EAF2: variants seen among roughly 807,000 people sequenced by gnomAD.
EAF2 encodes ELL-associated factor 2.
A neutral mutation model predicts 29.4 loss-of-function variants in EAF2; 29 were observed. That is an observed-to-expected ratio of 0.99 (90% CI 0.73 to 1.35). The LOEUF (loss-of-function observed/expected upper bound fraction) is 1.35. Ranked by LOEUF, EAF2 falls within the 40% of genes most tolerant of loss-of-function variation. EAF2 has a pLI of 0.00. For synonymous variants in EAF2, 103 were observed against 102.5 expected (o/e 1.00, Z -0.03); for missense variants, 292 against 312.0 (o/e 0.94, Z 0.48).
At chr3:121,843,080 A>G (rs1282205281) in intron 1 of EAF2, among the ~76,000 whole-genome samples, 1 of 152,226 alleles carries the variant, frequency 6.6e-6, no homozygotes, top group Non-Finnish European at 1.5e-5. Flanking sequence ...TTATAAAAAT[A>G]CTTTCTGTAA....
At chr3:121,885,766 C>A (rs1381912856) in intron 5 of EAF2, among the ~76,000 whole-genome samples, 1 of 152,098 alleles carries the variant, frequency 6.6e-6, no homozygotes, top group Non-Finnish European at 1.5e-5. Flanking sequence ...TTTAAAATAG[C>A]ACCTGCCACT....
At chr3:121,867,772 A>G (rs1708950686) in intron 4 of EAF2, among the ~76,000 whole-genome samples, 1 of 152,206 alleles carries the variant, frequency 6.6e-6, no homozygotes, top group Admixed American at 6.5e-5. Flanking sequence ...TGACTTTTCT[A>G]AATCATATGT....
intron 4 of EAF2, among the ~76,000 whole-genome samples, chr3:121,859,807 T>A (rs867448595): frequency 1.3e-5 from 2 of 152,126 alleles, no homozygotes; most frequent in African/African-American, 2.4e-5. Flanking sequence ...TGGCTGTGGG[T>A]TTGTCATAAA....
At chr3:121,845,440 C>CAAAAAAAAA (rs747436052) in intron 2 of EAF2, among the ~76,000 whole-genome samples, 15 of 59,772 alleles carry the variant, frequency 2.5e-4, no homozygotes, top group East Asian at 2.4e-3. Flanking sequence ...TCCTACATCT[C>CAAAAAAAAA]AAAAAAAAAA....
intron 4 of EAF2, among the ~76,000 whole-genome samples, chr3:121,858,065 A>G (rs1390189456): frequency 1.3e-5 from 2 of 152,138 alleles, no homozygotes; most frequent in Non-Finnish European, 2.9e-5. Flanking sequence ...AATCCAGTCT[A>G]TCATTGTTGG....
chr3:121,836,501 T>C, intron 1 of EAF2: 1 of 324,044 alleles, frequency 3.1e-6, no homozygotes, highest in Non-Finnish European at 4.5e-6. Context: ...GTTTTAACCC[T>C]GCAAGAATAT....
At chr3:121,856,953 T>C in intron 3 of EAF2, 58 bp from the exon 4 acceptor site, 1 of 1,498,292 alleles carries the variant, frequency 6.7e-7, no homozygotes, top group South Asian at 1.3e-5. Context: ...CTTTGTAAGT[T>C]AAATTTTTGT....
At chr3:121,884,233 G>T (rs374544365) in intron 5 of EAF2, among the ~76,000 whole-genome samples, 1 of 150,720 alleles carries the variant, frequency 6.6e-6, no homozygotes, top group Non-Finnish European at 1.5e-5. Context: ...CCAGCTACTC[G>T]GGAGGCTGAG....
intron 2 of EAF2, among the ~76,000 whole-genome samples, chr3:121,853,344 T>A (rs1252861490): frequency 6.6e-6 from 1 of 152,260 alleles, no homozygotes; most frequent in Non-Finnish European, 1.5e-5. Context: ...ATAAGATTTC[T>A]ACATTGTATT....
intron 5 of EAF2, among the ~76,000 whole-genome samples, chr3:121,877,605 T>C (rs867420291): frequency 4.6e-5 from 7 of 151,964 alleles, no homozygotes; most frequent in Middle Eastern, 6.8e-3. Context: ...ATAACTTACA[T>C]GTTAAAAGGC....
In EAF2 at chr3:121,854,773, A is replaced by G; in HGVS notation, c.288A>G (p.Gly96=). Residue 96 remains glycine (G), a synonymous_variant, in exon 3 of 6, where the codon GGA becomes GGG. Transcript: ENST00000273668. ...TTTTGATTATTAACCATGATACTGG[A>G]GAATGTCGGCTAGAAAAACTCAGCA... ...ECILIINHDT[G]ECRLEKLSSN... 1.3e-6 allele frequency: 2 copies of G among 1,575,630 alleles called. No homozygotes were observed. Among genetic ancestry groups the G allele is most frequent in the Non-Finnish European group, 1.7e-6 (2 of 1,170,148 alleles).
chr3:121,879,203 T>C (rs896665330), intron 5 of EAF2, among the ~76,000 whole-genome samples: 14 of 152,230 alleles, frequency 9.2e-5, no homozygotes, highest in Admixed American at 4.6e-4. Flanking sequence ...TCTATTCAGT[T>C]TATTTGCGCA....
In EAF2 at chr3:121,835,347, A is replaced by T; in HGVS notation, c.62A>T (p.Glu21Val). 6.2e-7 allele frequency: 1 copy of T among 1,614,094 alleles called. No homozygotes were observed. The highest frequency in any genetic ancestry group is 8.5e-7 in the Non-Finnish European group (1 of 1,179,988). The change falls in exon 1 of 6, where the codon GAG becomes GTG. Residue 21 changes from glutamate (E) to valine (V), a missense_variant. Physicochemically the swap from Glu to Val is moderately radical, Grantham distance 121. Coordinates refer to ENST00000273668, the MANE Select transcript of EAF2 (RefSeq NM_018456.6). ...CGCGAGCGGGTTCTCAAGTTAGGGGAGAGTTTCGAGAAGCAGCCGCGCTGC... is the reference window on the plus strand; with the variant it reads ...CGCGAGCGGGTTCTCAAGTTAGGGGTGAGTTTCGAGAAGCAGCCGCGCTGC... ...DRRERVLKLGESFEKQPRCAF... is the reference protein window; with the variant it reads ...DRRERVLKLGVSFEKQPRCAF...
At chr3:121,845,459 A>AAAAAAAAAAAAAAAAAAAAAAG (rs71133578) in intron 2 of EAF2, among the ~76,000 whole-genome samples, 5 of 96,610 alleles carry the variant, frequency 5.2e-5, no homozygotes, top group Middle Eastern at 6.0e-3. Context: ...AAAAAAAAAA[A>AAAAAAAAAAAAAAAAAAAAAAG]AAAGAAAGAA....
At chr3:121,843,890 C>T (rs2107500644) in intron 1 of EAF2, among the ~76,000 whole-genome samples, 1 of 152,052 alleles carries the variant, frequency 6.6e-6, no homozygotes, top group Non-Finnish European at 1.5e-5. Flanking sequence ...TCTTAAGTTT[C>T]TTCATTAATA....
intron 5 of EAF2, among the ~76,000 whole-genome samples, chr3:121,884,073 C>T (rs1195903713): frequency 6.6e-6 from 1 of 152,136 alleles, no homozygotes; most frequent in Non-Finnish European, 1.5e-5. Flanking sequence ...CAAGGTGGCT[C>T]ATGCCTGTAA....
At chr3:121,860,507 G>C (rs565292344) in intron 4 of EAF2, among the ~76,000 whole-genome samples, 1 of 152,264 alleles carries the variant, frequency 6.6e-6, no homozygotes, top group East Asian at 1.9e-4. Flanking sequence ...TGTGGGATCA[G>C]TGGTGCTATC....
intron 5 of EAF2, among the ~76,000 whole-genome samples, chr3:121,877,839 A>G (rs562877840): frequency 6.6e-6 from 1 of 152,196 alleles, no homozygotes; most frequent in East Asian, 1.9e-4. Flanking sequence ...GGTCATTCAC[A>G]GGTGCAAACA....
chr3:121,866,500 C>T (rs528937477), intron 4 of EAF2, among the ~76,000 whole-genome samples: 1 of 152,158 alleles, frequency 6.6e-6, no homozygotes, highest in African/African-American at 2.4e-5. Flanking sequence ...CCAAGGCAAG[C>T]AGATCACTTG....
Sources: gnomAD v4.1 joint callset for allele counts (sites outside exome capture counted in the v4.1 genomes callset) on GRCh38, gnomAD v4.1.1 for gene constraint, MANE v1.5 for transcripts, NCBI Gene and HGNC (gene_info 2026-07-23, HGNC 2026-07-21) for gene names.